Variants in DOCK1 observed in about 807,000 individuals in gnomAD.
DOCK1 encodes dedicator of cytokinesis 1, also known as dedicator of cytokinesis protein 1.
DOCK1 carries 138 observed loss-of-function variants against 262.7 expected under a neutral mutation model. That is an observed-to-expected ratio of 0.53 (90% CI 0.46 to 0.61). The LOEUF (loss-of-function observed/expected upper bound fraction) is 0.61, where lower values mean the gene tolerates loss of function less well. Among genes scored for constraint, DOCK1 ranks in the 20% least tolerant of loss-of-function variants. DOCK1 has a pLI of 0.00. For missense variants in DOCK1, 1,908 were observed against 2,370.7 expected (o/e 0.80, Z 4.05); for synonymous variants, 866 against 867.4 (o/e 1.00, Z 0.03).
At chr10:127,341,477 A>G (rs190720266) in intron 30 of DOCK1, among the ~76,000 whole-genome samples, 1 of 152,358 alleles carries the variant, frequency 6.6e-6, no homozygotes, top group East Asian at 1.9e-4. Context: ...TTGAATTGAT[A>G]AATAAATTTG....
chr10:127,155,789 G>A (rs769707762), intron 27 of DOCK1, among the ~76,000 whole-genome samples: 1 of 152,100 alleles, frequency 6.6e-6, no homozygotes, highest in Non-Finnish European at 1.5e-5. Context: ...TAATTCTACT[G>A]GAGCTCGGCT....
At chr10:127,043,950 TAGAA>T (rs1354910383) in intron 21 of DOCK1, among the ~76,000 whole-genome samples, 3 of 152,204 alleles carry the variant, frequency 2.0e-5, no homozygotes, top group Non-Finnish European at 4.4e-5. Context: ...CCCTGGCACT[TAGAA>T]AGCACTAAGC....
At chr10:127,235,141 A>T (rs1327678622) in intron 27 of DOCK1, among the ~76,000 whole-genome samples, 1 of 150,830 alleles carries the variant, frequency 6.6e-6, no homozygotes, top group East Asian at 1.9e-4. Flanking sequence ...TACTTTATAA[A>T]GTATAAAATA....
intron 27 of DOCK1, among the ~76,000 whole-genome samples, chr10:127,216,559 C>T (rs1156271949): frequency 6.6e-6 from 1 of 152,118 alleles, no homozygotes; most frequent in Admixed American, 6.5e-5. Flanking sequence ...CCTCACCTTT[C>T]CATTGGCTGG....
chr10:127,261,089 ATC>A lies in DOCK1; in HGVS notation c.3044+3662_3044+3663del, dbSNP rs745784595. Among the ~76,000 whole-genome samples, 8 of 94,460 alleles carry A rather than the reference ATC, an allele frequency of 8.5e-5. 1 individual carries two copies. The East Asian group carries it at 1.1e-3, about 13-fold the overall frequency. 62.0% of individuals were successfully genotyped at this position (94,460 alleles called of 152,430 possible). A position where few individuals can be genotyped will look rare whatever the true frequency, so the allele number is the denominator to read the frequency against. On this transcript the variant is annotated intron_variant, in intron 29 of 51. Transcript: ENST00000623213. ...TGTGGGTGTGTGTGTACCTGTGCTCATCTGTGTGTGTACCTGCATGTGTGTGC... is the reference window on the plus strand; with the variant it reads ...TGTGGGTGTGTGTGTACCTGTGCTCATGTGTGTGTACCTGCATGTGTGTGC...
chr10:127,212,250 A>G (rs2134342482), intron 27 of DOCK1, among the ~76,000 whole-genome samples: 1 of 152,200 alleles, frequency 6.6e-6, no homozygotes, highest in African/African-American at 2.4e-5. Context: ...TTATTTCAAG[A>G]ATCATTTTGG....
At chr10:127,065,258 G>A (rs901663870) in intron 23 of DOCK1, among the ~76,000 whole-genome samples, 4 of 152,014 alleles carry the variant, frequency 2.6e-5, no homozygotes, top group African/African-American at 7.2e-5. Context: ...TAATTCACCC[G>A]CCTCGGCCTC....
At chr10:127,020,067 A>G (rs1005724981) in intron 13 of DOCK1, among the ~76,000 whole-genome samples, 7 of 152,228 alleles carry the variant, frequency 4.6e-5, no homozygotes, top group African/African-American at 1.7e-4. Flanking sequence ...TGGTAAATCC[A>G]TATGAAAGAC....
At chr10:127,424,652 C>T (rs1373885119) in intron 46 of DOCK1, among the ~76,000 whole-genome samples, 2 of 152,242 alleles carry the variant, frequency 1.3e-5, no homozygotes, top group African/African-American at 2.4e-5. Context: ...GCATTTTCTA[C>T]TGCTGGCCCT....
intron 2 of DOCK1, among the ~76,000 whole-genome samples, chr10:126,972,573 T>C (rs1222917816): frequency 6.6e-6 from 1 of 151,684 alleles, no homozygotes; most frequent in African/African-American, 2.4e-5. Flanking sequence ...ACATGGGAGG[T>C]TGGGGGTGAG....
Position 127,023,215 on chromosome 10 carries a change from A to G in DOCK1, c.1343A>G (p.Asp448Gly). ...EIIMPGDVRN[D>G]IYVTLVQGDF... Reference sequence around the variant, plus strand: ...CCCCCCTCAGGTGATGTTCGAAATGATATCTATGTAACATTAGTTCAAGGA... The same window carrying G: ...CCCCCCTCAGGTGATGTTCGAAATGGTATCTATGTAACATTAGTTCAAGGA... Residue 448 changes from aspartate (D) to glycine (G), a missense_variant, in exon 14 of 52, where the codon GAT (aspartate) becomes GGT (glycine). Transcript: ENST00000623213. The G allele has an allele frequency of 6.2e-7, 1 of 1,613,836 alleles. No individual in the cohort carries two copies. The highest frequency in any genetic ancestry group is 8.5e-7 in the Non-Finnish European group (1 of 1,179,852).
chr10:127,093,219 T>TTTCTTTCTTTCTTTCTTTTCTTTTC (rs149382008), intron 23 of DOCK1, among the ~76,000 whole-genome samples: 1 of 62,904 alleles, frequency 1.6e-5, no homozygotes. Context: ...TCTTTCTTTC[T>TTTCTTTCTTTCTTTCTTTTCTTTTC]TTTCTTTCTT....
intron 33 of DOCK1, among the ~76,000 whole-genome samples, chr10:127,364,972 T>C (rs1440055305): frequency 5.9e-5 from 9 of 152,250 alleles, no homozygotes; most frequent in Non-Finnish European, 1.0e-4. Context: ...TCTGGCTCAC[T>C]GTCAGTCTGT....
chr10:127,033,734 A>G (rs1040592863), intron 18 of DOCK1, among the ~76,000 whole-genome samples: 1 of 152,180 alleles, frequency 6.6e-6, no homozygotes, highest in African/African-American at 2.4e-5. Context: ...AAGTAAAGCC[A>G]TTGTCTGGAA....
At chr10:126,921,458 T>C (rs1591320199) in intron 1 of DOCK1, among the ~76,000 whole-genome samples, 1 of 152,188 alleles carries the variant, frequency 6.6e-6, no homozygotes, top group Non-Finnish European at 1.5e-5. Context: ...TACATGATTC[T>C]ATTAATAGGA....
At chr10:127,057,008 AGTT>A (rs1167953081) in intron 22 of DOCK1, among the ~76,000 whole-genome samples, 4 of 151,092 alleles carry the variant, frequency 2.6e-5, no homozygotes, top group African/African-American at 9.7e-5. Context: ...ACAGCATGTC[AGTT>A]GTTACTTCAT....
At chr10:127,346,682 G>A (rs373870158) in intron 31 of DOCK1, among the ~76,000 whole-genome samples, 80 of 152,338 alleles carry the variant, frequency 5.3e-4, no homozygotes, top group African/African-American at 1.6e-3. Flanking sequence ...ACGTAGTGGC[G>A]TGGATTCAGA....
At chr10:127,424,495 G>A (rs2068697838) in intron 46 of DOCK1, among the ~76,000 whole-genome samples, 1 of 152,156 alleles carries the variant, frequency 6.6e-6, no homozygotes, top group Admixed American at 6.5e-5. Context: ...GGGTGGCTGT[G>A]CTTTCACCTT....
At chr10:127,028,504 T>G (rs1408893677) in intron 16 of DOCK1, among the ~76,000 whole-genome samples, 1 of 152,196 alleles carries the variant, frequency 6.6e-6, no homozygotes, top group Non-Finnish European at 1.5e-5. Flanking sequence ...AAACCCCAGG[T>G]CAGGGGCTGA....
Sources: allele counts gnomAD v4.1 joint callset (sites outside exome capture counted in the v4.1 genomes callset), GRCh38; gene constraint gnomAD v4.1.1; transcripts MANE v1.5; gene names NCBI Gene and HGNC (gene_info 2026-07-23, HGNC 2026-07-21).